LRP1B: variants seen among roughly 807,000 people sequenced by gnomAD.
LRP1B encodes low-density lipoprotein receptor-related protein 1B.
LRP1B carries 217 observed loss-of-function variants against 556.6 expected under a neutral mutation model. The observed-to-expected ratio is 0.39, with a 90% confidence interval of 0.35 to 0.44. LRP1B has a LOEUF of 0.44. Ranked by LOEUF, LRP1B falls within the 20% of genes least tolerant of loss-of-function variation. The pLI is 1.00. For synonymous variants in LRP1B, 2,047 were observed against 1,865.8 expected (o/e 1.10, Z -2.50); for missense variants, 5,053 against 5,620.8 (o/e 0.90, Z 3.23).
intron 1 of LRP1B, among the ~76,000 whole-genome samples, chr2:142,091,153 T>C (rs1706155175): frequency 6.6e-6 from 1 of 152,144 alleles, no homozygotes; most frequent in African/African-American, 2.4e-5. Flanking sequence ...AGAAGACTGC[T>C]CATCTTTAAA....
chr2:141,936,654 T>C (rs1700643252), intron 1 of LRP1B, among the ~76,000 whole-genome samples: 1 of 152,220 alleles, frequency 6.6e-6, no homozygotes. Flanking sequence ...TCAAACTTTT[T>C]CTTAGGAACT....
chr2:142,102,814 A>C (rs1706615842), intron 1 of LRP1B, among the ~76,000 whole-genome samples: 1 of 151,828 alleles, frequency 6.6e-6, no homozygotes, highest in Non-Finnish European at 1.5e-5. Context: ...TATTAGCAAA[A>C]ACTAAGTGTT....
chr2:141,890,378 G>A (rs1161258338), intron 1 of LRP1B, among the ~76,000 whole-genome samples: 12 of 125,430 alleles, frequency 9.6e-5, no homozygotes, highest in South Asian at 2.3e-4. Context: ...TATATAGTGT[G>A]TATACATATA....
intron 43 of LRP1B, among the ~76,000 whole-genome samples, chr2:140,576,499 C>T (rs1054151538): frequency 6.6e-6 from 1 of 152,162 alleles, no homozygotes; most frequent in African/African-American, 2.4e-5. Context: ...ATTAACCATG[C>T]CACCGGAAGA....
chr2:140,924,216 G>T (rs986144159), intron 20 of LRP1B, among the ~76,000 whole-genome samples: 1 of 151,842 alleles, frequency 6.6e-6, no homozygotes, highest in Non-Finnish European at 1.5e-5. Context: ...ATAAATTAAG[G>T]TTAATCTAAT....
intron 2 of LRP1B, among the ~76,000 whole-genome samples, chr2:141,505,124 T>C (rs1055721619): frequency 2.0e-5 from 3 of 151,756 alleles, no homozygotes; most frequent in Non-Finnish European, 4.4e-5. Flanking sequence ...TCCCCCTCTC[T>C]CTCTTCCCCT....
intron 15 of LRP1B, among the ~76,000 whole-genome samples, chr2:140,996,067 C>T (rs1332070092): frequency 2.0e-5 from 3 of 151,894 alleles, no homozygotes; most frequent in African/African-American, 7.2e-5. Flanking sequence ...ATCCAGGAAT[C>T]GTGTGTCTTC....
At chr2:140,492,742 TC>T in intron 56 of LRP1B, 49 bp from the exon 57 acceptor site, 1 of 1,268,990 alleles carries the variant, frequency 7.9e-7, no homozygotes, top group Middle Eastern at 2.1e-4. Flanking sequence ...TGTATGCTTT[TC>T]CCCTTTGCAT....
intron 21 of LRP1B, among the ~76,000 whole-genome samples, chr2:140,915,092 A>G (rs1445509650): frequency 6.6e-6 from 1 of 152,196 alleles, no homozygotes; most frequent in East Asian, 1.9e-4. Context: ...AGCCATTTCC[A>G]TCAAGGGAAG....
In LRP1B at chr2:141,533,563, A is replaced by T. The variant is rs79569981; in HGVS notation, c.206-53030T>A. On this transcript the variant is annotated intron_variant, in intron 2 of 90. Coordinates refer to ENST00000389484, the MANE Select transcript of LRP1B (RefSeq NM_018557.3). ...CTGAATCAACTGAGCCCCATAGATA[A>T]GTTTACTCTCACCTGAAATTCTAAA... Among the ~76,000 whole-genome samples the T allele has an allele frequency of 2.5e-3, 387 of 152,298 alleles. 1 individual carries two copies. Among genetic ancestry groups the T allele is most frequent in the Non-Finnish European group, 4.1e-3 (279 of 68,030 alleles).
intron 67 of LRP1B, among the ~76,000 whole-genome samples, chr2:140,381,679 A>G (rs1234789603): frequency 6.6e-6 from 1 of 151,896 alleles, no homozygotes; most frequent in African/African-American, 2.4e-5. Flanking sequence ...TCTGGCCAAC[A>G]TGGTGAAAAC....
intron 33 of LRP1B, among the ~76,000 whole-genome samples, chr2:140,772,261 T>C (rs1330064348): frequency 6.6e-6 from 1 of 151,398 alleles, no homozygotes; most frequent in Non-Finnish European, 1.5e-5. Flanking sequence ...ATTTATCAAA[T>C]AATGAAACAA....
chr2:140,246,156 T>G (rs1681150738), intron 87 of LRP1B, among the ~76,000 whole-genome samples: 1 of 151,326 alleles, frequency 6.6e-6, no homozygotes. Context: ...TATTTTATAC[T>G]TTAATAGTCT....
At chr2:140,575,764 A>C (rs1681497129) in intron 43 of LRP1B, among the ~76,000 whole-genome samples, 1 of 151,848 alleles carries the variant, frequency 6.6e-6, no homozygotes, top group African/African-American at 2.4e-5. Flanking sequence ...ATCTCTACCA[A>C]AAATACAAAA....
At chr2:140,917,121 T>C (rs28612156) in intron 21 of LRP1B, among the ~76,000 whole-genome samples, 11,451 of 152,080 alleles carry the variant, frequency 0.075, 633 homozygotes, top group African/African-American at 0.16. Flanking sequence ...ATTAGGAAAA[T>C]GCAAATTAAA....
At chr2:141,346,763 G>C (rs1402709554) in intron 3 of LRP1B, among the ~76,000 whole-genome samples, 1 of 152,020 alleles carries the variant, frequency 6.6e-6, no homozygotes, top group African/African-American at 2.4e-5. Context: ...GGCTTTTAAG[G>C]CTTTTTTAAA....
chr2:140,596,941 T>G (rs1239608751), intron 43 of LRP1B, among the ~76,000 whole-genome samples: 1 of 152,280 alleles, frequency 6.6e-6, no homozygotes, highest in Non-Finnish European at 1.5e-5. Context: ...GTAGGGCGAT[T>G]AGTAAATTGA....
At position 141,155,480 on chromosome 2, in the gene LRP1B, A is replaced by C. The variant is rs536308438; in HGVS notation, c.1013+32941T>G. On this transcript the variant is annotated intron_variant, in intron 7 of 90. Coordinates refer to ENST00000389484, the MANE Select transcript of LRP1B (RefSeq NM_018557.3). ...ATTTTTATTTTATTTTTTTCTTTTT[A>C]TTATTATTTTTTTTTATTTTAAGTT... is the stretch of plus-strand genomic sequence containing the variant. 7.8e-3 allele frequency among the ~76,000 whole-genome samples: 1,177 copies of C among 150,148 alleles called. 3 individuals carry two copies. Among genetic ancestry groups the C allele is most frequent in the Middle Eastern group, 0.021 (6 of 290 alleles).
At chr2:140,917,219 G>A (rs1156868810) in intron 21 of LRP1B, among the ~76,000 whole-genome samples, 1 of 152,150 alleles carries the variant, frequency 6.6e-6, no homozygotes, top group Non-Finnish European at 1.5e-5. Context: ...ATATAGAGCA[G>A]CAGAAATTTT....
Sources: allele counts gnomAD v4.1 joint callset (sites outside exome capture counted in the v4.1 genomes callset), GRCh38; gene constraint gnomAD v4.1.1; transcripts MANE v1.5; gene names NCBI Gene and HGNC (gene_info 2026-07-23, HGNC 2026-07-21).